Variants in KISS1 observed in about 807,000 individuals in gnomAD.
KISS1 encodes metastasis-suppressor KiSS-1.
For missense variants in KISS1, 182 were observed against 182.7 expected (o/e 1.00, Z 0.02); for synonymous variants, 97 against 88.7 (o/e 1.09, Z -0.52).
intron 1 of KISS1, among the ~76,000 whole-genome samples, chr1:204,194,093 C>A (rs1658796122): frequency 6.6e-6 from 1 of 152,156 alleles, no homozygotes; most frequent in Non-Finnish European, 1.5e-5. Context: ...CCCCCACCCC[C>A]CATTCCTCAC....
chr1:204,195,277 C>CG (rs1658827864), intron 1 of KISS1, among the ~76,000 whole-genome samples: 2 of 2,798 alleles, frequency 7.1e-4, no homozygotes, highest in African/African-American at 1.4e-3. Flanking sequence ...CACACATACA[C>CG]CACACACACC....
At chr1:204,193,675 T>C (rs1357830221) in intron 1 of KISS1, among the ~76,000 whole-genome samples, 1 of 152,142 alleles carries the variant, frequency 6.6e-6, no homozygotes, top group Non-Finnish European at 1.5e-5. Context: ...GTTATCTCCA[T>C]AGTCTATTCT....
At position 204,190,704 on chromosome 1, in the gene KISS1, C is replaced by G. The variant is rs752056340; in HGVS notation, c.197G>C (p.Arg66Pro). Residue 66 changes from arginine to proline, a missense_variant, in exon 3 of 3, where the codon CGT becomes CCT. By Grantham distance (103) the Arg-to-Pro change is moderately radical. Transcript: ENST00000367194. ...GGGCGGGGACAGCGAGGTCCCCCGA[C>G]GGCTCAGCCTGGCAGTAGCAGCTGG... ...RKPAATARLS[R>P]RGTSLSPPPE... The G allele has an allele frequency of 5.6e-6, 9 of 1,604,650 alleles. No individual in the cohort carries two copies. The African/African-American group carries it at 9.4e-5, about 17-fold the overall frequency.
intron 2 of KISS1, among the ~76,000 whole-genome samples, 167 bp from the exon 3 acceptor site, chr1:204,190,964 C>T (rs1394217050): frequency 6.6e-6 from 1 of 152,178 alleles, no homozygotes; most frequent in Non-Finnish European, 1.5e-5. Context: ...TGATTAGGCC[C>T]TAGGCGCCTC....
intron 1 of KISS1, among the ~76,000 whole-genome samples, chr1:204,195,715 T>TCACACACACACA (rs36226771): frequency 6.9e-6 from 1 of 144,936 alleles, no homozygotes; most frequent in South Asian, 2.3e-4. Flanking sequence ...TACACACATA[T>TCACACACACACA]CACACACACA....
intron 1 of KISS1, among the ~76,000 whole-genome samples, chr1:204,194,754 G>A (rs1029689840): frequency 6.6e-6 from 1 of 152,144 alleles, no homozygotes; most frequent in Non-Finnish European, 1.5e-5. Flanking sequence ...ATCGCTGAAA[G>A]GTTTACAGAA....
intron 1 of KISS1, among the ~76,000 whole-genome samples, chr1:204,194,321 T>C (rs1173924948): frequency 1.3e-5 from 2 of 152,232 alleles, no homozygotes; most frequent in African/African-American, 4.8e-5. Context: ...CTTGCAGACT[T>C]TGATACTGTG....
At chr1:204,195,464 CACAT>C (rs1381523776) in intron 1 of KISS1, among the ~76,000 whole-genome samples, 16 of 148,718 alleles carry the variant, frequency 1.1e-4, no homozygotes, top group African/African-American at 3.7e-4. Context: ...CATACACACA[CACAT>C]ACACACATCC....
At chr1:204,194,782 G>A (rs1326033289) in intron 1 of KISS1, among the ~76,000 whole-genome samples, 1 of 152,112 alleles carries the variant, frequency 6.6e-6, no homozygotes, top group Non-Finnish European at 1.5e-5. Flanking sequence ...CCAGGACGGT[G>A]CTAAGGCGCT....
chr1:204,194,422 G>A (rs928998323), intron 1 of KISS1, among the ~76,000 whole-genome samples: 1 of 152,206 alleles, frequency 6.6e-6, no homozygotes, highest in Non-Finnish European at 1.5e-5. Context: ...CCATTGGAGA[G>A]AATAGTGTAA....
At chr1:204,195,152 CACACCACACACAT>C (rs1658813821) in intron 1 of KISS1, among the ~76,000 whole-genome samples, 1 of 138,990 alleles carries the variant, frequency 7.2e-6, no homozygotes, top group African/African-American at 2.6e-5. Context: ...ACACACCCCC[CACACCACACACAT>C]ACACCACACA....
chr1:204,194,865 T>C (rs919213236), intron 1 of KISS1, among the ~76,000 whole-genome samples: 1 of 151,958 alleles, frequency 6.6e-6, no homozygotes, highest in Non-Finnish European at 1.5e-5. Flanking sequence ...GAGCTTTGCA[T>C]GGAGAGAAAG....
rs115320740 is a variant in KISS1 at position 204,193,050 on chromosome 1, G to T, written c.-38-136C>A. 4.0e-4 allele frequency: 266 copies of T among 673,234 alleles called. No individual in the cohort carries two copies. The African/African-American group carries it at 4.2e-3, about 11-fold the overall frequency. 41.7% of individuals were successfully genotyped at this position (673,234 alleles called of 1,614,324 possible). Reference sequence around the variant, plus strand: ...TGCCTTTGGAGGCTCCTGGTAGAGGGATGAGTCTAAACAAATATATCAGTG... The same window carrying T: ...TGCCTTTGGAGGCTCCTGGTAGAGGTATGAGTCTAAACAAATATATCAGTG... On this transcript the variant is annotated intron_variant, in intron 1 of 2. Coordinates refer to ENST00000367194, the MANE Select transcript of KISS1 (RefSeq NM_002256.4).
chr1:204,190,453 G>A lies in KISS1; in HGVS notation c.*31C>T. 6.5e-7 allele frequency: 1 copy of A among 1,542,316 alleles called. No individual in the cohort carries two copies. Among genetic ancestry groups the A allele is most frequent in the Non-Finnish European group, 8.7e-7 (1 of 1,142,936 alleles). ...CCCCGCATGCTCTGACTCCTTTGGG[G>A]TCTGAAGTTCACTGCCCCGCACCTG... On this transcript the variant is annotated 3_prime_UTR_variant, in exon 3 of 3. Coordinates refer to ENST00000367194, the MANE Select transcript of KISS1 (RefSeq NM_002256.4).
rs777835440 is a variant in KISS1 at position 204,192,877 on chromosome 1, C to A, written c.-1G>T. On this transcript the variant is annotated 5_prime_UTR_variant, in exon 2 of 3. Transcript: ENST00000367194. The surrounding 1 kb of genome is among the most constrained non-coding windows in gnomAD (Gnocchi z 4.2). Reference sequence around the variant, plus strand: ...GCTGCCAAGAAACCAGTGAGTTCATCTTGGTGAGAAGAGGCAGGTCCTAGA... The same window carrying A: ...GCTGCCAAGAAACCAGTGAGTTCATATTGGTGAGAAGAGGCAGGTCCTAGA... 1 of 1,580,732 alleles carries A rather than the reference C, an allele frequency of 6.3e-7. No homozygotes were observed. Among genetic ancestry groups the A allele is most frequent in the Non-Finnish European group, 8.6e-7 (1 of 1,159,644 alleles).
chr1:204,195,477 C>T (rs1658840236), intron 1 of KISS1, among the ~76,000 whole-genome samples: 1 of 142,022 alleles, frequency 7.0e-6, no homozygotes, highest in Admixed American at 7.0e-5. Flanking sequence ...ATACACACAT[C>T]CATACATACA....
Position 204,190,781 on chromosome 1 carries a change from G to T in KISS1, c.120C>A (p.Ser40=). 1 of 1,611,620 alleles carries T rather than the reference G, an allele frequency of 6.2e-7. No homozygotes were observed. The highest frequency in any genetic ancestry group is 8.5e-7 in the Non-Finnish European group (1 of 1,179,576). The change falls in exon 3 of 3, where the codon TCC becomes TCA. Residue 40 remains serine (S), a synonymous_variant. Transcript: ENST00000367194. ...NSRPTGQQLE[S]LGLLAPGEQS... ...GCTCCCCGGGGGCCAGGAGGCCCAG[G>T]GATTCTAGCTGCTGGCCTAGGACAG... is the stretch of plus-strand genomic sequence containing the variant.
At chr1:204,194,850 G>A (rs1354978717) in intron 1 of KISS1, among the ~76,000 whole-genome samples, 2 of 152,096 alleles carry the variant, frequency 1.3e-5, no homozygotes, top group African/African-American at 2.4e-5. Flanking sequence ...CTAGACAAGA[G>A]GATGGAGCTT....
chr1:204,190,916 C>A, intron 2 of KISS1, 119 bp from the exon 3 acceptor site: 1 of 830,364 alleles, frequency 1.2e-6, no homozygotes, highest in South Asian at 1.7e-5. Flanking sequence ...GCTCGGAGCT[C>A]AGTGCCATGC....
Sources: gnomAD v4.1 joint callset for allele counts (sites outside exome capture counted in the v4.1 genomes callset) on GRCh38, gnomAD v4.1.1 for gene constraint, Gnocchi (gnomAD v3.1) non-coding constraint, MANE v1.5 for transcripts, NCBI Gene and HGNC (gene_info 2026-07-23, HGNC 2026-07-21) for gene names.